The following BTBD9 variants were observed in gnomAD, a reference collection of about 807,000 sequenced individuals.
BTBD9 encodes BTB domain containing 9, also known as BTB/POZ domain-containing protein 9.
In BTBD9, 49 loss-of-function variants were observed where a neutral mutation model predicts 64.3. The observed-to-expected ratio is 0.76, with a 90% CI of 0.61 to 0.97. The LOEUF is 0.97. Among genes scored for constraint, BTBD9 ranks in the 50% least tolerant of loss-of-function variants. The probability of loss-of-function intolerance (pLI) is 0.00; values close to 1 mark genes in which losing one functional copy is unlikely to be tolerated. For synonymous variants in BTBD9, 260 were observed against 274.7 expected (o/e 0.95, Z 0.53); for missense variants, 598 against 762.1 (o/e 0.78, Z 2.53).
At chr6:38,582,783 G>C (rs541596015) in intron 4 of BTBD9, among the ~76,000 whole-genome samples, 2 of 152,270 alleles carry the variant, frequency 1.3e-5, no homozygotes, top group South Asian at 2.1e-4. Flanking sequence ...CATCTAAAAA[G>C]AATACTTTGT....
rs897050076 is a variant in BTBD9, at chr6:38,512,224, C to T, written c.1154+65376G>A. 7.2e-5 allele frequency among the ~76,000 whole-genome samples: 11 copies of T among 152,116 alleles called. No individual in the cohort carries two copies. In the East Asian group the frequency reaches 1.2e-3, roughly 16 times the overall value. On this transcript the variant is annotated intron_variant, in intron 6 of 10. Transcript: ENST00000481247. ...CCGATCTCAGGTGATCTGCCCGCCT[C>T]GGCCTCCCAAAGTGCTGAGATTACA...
chr6:38,459,939 C>T (rs1032311361), intron 6 of BTBD9, among the ~76,000 whole-genome samples: 2 of 152,128 alleles, frequency 1.3e-5, no homozygotes, highest in African/African-American at 4.8e-5. Flanking sequence ...TACAACATTA[C>T]GAGAACAGAG....
intron 6 of BTBD9, among the ~76,000 whole-genome samples, chr6:38,353,072 ACTT>A (rs1339416708): frequency 6.6e-6 from 1 of 152,198 alleles, no homozygotes; most frequent in Non-Finnish European, 1.5e-5. Context: ...CAGACATAAA[ACTT>A]CTACCTTCTG....
intron 6 of BTBD9, among the ~76,000 whole-genome samples, chr6:38,551,418 G>A (rs1292055763): frequency 6.6e-6 from 1 of 152,136 alleles, no homozygotes; most frequent in East Asian, 1.9e-4. Flanking sequence ...AGCAGGAAAT[G>A]AGACTAGCAA....
At chr6:38,516,948 C>G (rs1172812985) in intron 6 of BTBD9, among the ~76,000 whole-genome samples, 1 of 152,184 alleles carries the variant, frequency 6.6e-6, no homozygotes, top group Non-Finnish European at 1.5e-5. Context: ...GAAAATTGTT[C>G]TCTTTAAAAT....
chr6:38,529,205 T>C (rs1290426618), intron 6 of BTBD9, among the ~76,000 whole-genome samples: 2 of 152,148 alleles, frequency 1.3e-5, no homozygotes, highest in East Asian at 3.9e-4. Flanking sequence ...CAGGTCTGAA[T>C]TAACAGCCTG....
At chr6:38,252,383 C>T (rs1764431665) in intron 9 of BTBD9, among the ~76,000 whole-genome samples, 1 of 152,124 alleles carries the variant, frequency 6.6e-6, no homozygotes, top group Admixed American at 6.5e-5. Context: ...AACCTTTTGC[C>T]TTTTATCATT....
chr6:38,312,251 ATTAT>A (rs1289317203), intron 7 of BTBD9, among the ~76,000 whole-genome samples: 2 of 151,968 alleles, frequency 1.3e-5, no homozygotes, highest in Non-Finnish European at 2.9e-5. Flanking sequence ...TTTTAATCGG[ATTAT>A]TTGATTGTTT....
At chr6:38,438,236 G>GGAAGGAAGGA (rs1562186824) in intron 6 of BTBD9, among the ~76,000 whole-genome samples, 3 of 41,854 alleles carry the variant, frequency 7.2e-5, no homozygotes, top group Non-Finnish European at 1.2e-4. Flanking sequence ...GGGAGGGAGG[G>GGAAGGAAGGA]AGGGAGGGAG....
chr6:38,299,369 C>T (rs1295569410), intron 7 of BTBD9, among the ~76,000 whole-genome samples: 2 of 152,140 alleles, frequency 1.3e-5, no homozygotes, highest in African/African-American at 4.8e-5. Context: ...TGGGTATATA[C>T]CCAGTAATGG....
At chr6:38,596,321 G>A (rs1332863440) in intron 2 of BTBD9, among the ~76,000 whole-genome samples, 1 of 152,132 alleles carries the variant, frequency 6.6e-6, no homozygotes, top group Admixed American at 6.5e-5. Flanking sequence ...CAATAAGCGG[G>A]GGGAGTATAT....
At chr6:38,526,597 C>T (rs1773507635) in intron 6 of BTBD9, among the ~76,000 whole-genome samples, 1 of 152,202 alleles carries the variant, frequency 6.6e-6, no homozygotes, top group Non-Finnish European at 1.5e-5. Flanking sequence ...TACCAGACAC[C>T]AGCCCATGAA....
At chr6:38,626,281 TCAAG>T (rs1477240808) in intron 1 of BTBD9, among the ~76,000 whole-genome samples, 1 of 152,258 alleles carries the variant, frequency 6.6e-6, no homozygotes, top group African/African-American at 2.4e-5. Context: ...ATCCATTCCC[TCAAG>T]CATTTATCCT....
intron 7 of BTBD9, among the ~76,000 whole-genome samples, chr6:38,296,612 T>G (rs1424790222): frequency 6.6e-6 from 1 of 152,198 alleles, no homozygotes; most frequent in East Asian, 1.9e-4. Context: ...GTTTCACCTT[T>G]ACAATTTTTT....
chr6:38,256,691 A>T (rs1764590686), intron 8 of BTBD9, among the ~76,000 whole-genome samples, 175 bp from the exon 9 acceptor site: 1 of 152,124 alleles, frequency 6.6e-6, no homozygotes, highest in Non-Finnish European at 1.5e-5. Context: ...CTGCAGTGAG[A>T]GGCTTTTTAT....
At chr6:38,405,013 G>T (rs906194536) in intron 6 of BTBD9, among the ~76,000 whole-genome samples, 1 of 152,128 alleles carries the variant, frequency 6.6e-6, no homozygotes, top group African/African-American at 2.4e-5. Context: ...CAATCGTTAT[G>T]AAACGATCTT....
At chr6:38,273,956 A>T (rs1765281519) in intron 8 of BTBD9, among the ~76,000 whole-genome samples, 1 of 152,218 alleles carries the variant, frequency 6.6e-6, no homozygotes, top group Admixed American at 6.5e-5. Context: ...AAGTGATTCC[A>T]CTAAACTATT....
intron 7 of BTBD9, among the ~76,000 whole-genome samples, chr6:38,330,320 T>A (rs1035239856): frequency 1.3e-5 from 2 of 152,226 alleles, no homozygotes; most frequent in Non-Finnish European, 2.9e-5. Flanking sequence ...CCCAAAGTGC[T>A]GTGATTACAG....
intron 6 of BTBD9, among the ~76,000 whole-genome samples, chr6:38,461,326 C>G (rs1770075541): frequency 6.6e-6 from 1 of 152,194 alleles, no homozygotes; most frequent in Non-Finnish European, 1.5e-5. Context: ...TCTCATATCT[C>G]TCCACTCCCT....
Sources: allele counts gnomAD v4.1 joint callset (sites outside exome capture counted in the v4.1 genomes callset), GRCh38; gene constraint gnomAD v4.1.1; transcripts MANE v1.5; gene names NCBI Gene and HGNC (gene_info 2026-07-23, HGNC 2026-07-21).